The following AAMDC variants were observed in gnomAD, a reference collection of about 807,000 sequenced individuals.
The protein encoded by AAMDC is adipogenesis associated Mth938 domain containing, also known as mth938 domain-containing protein.
A neutral mutation model predicts 15.5 loss-of-function variants in AAMDC; 16 were observed. The ratio of observed to expected loss-of-function variants is 1.03; its 90% confidence interval spans 0.70 to 1.57. The LOEUF is 1.57. AAMDC is among the 40% of genes most tolerant of loss of function. The pLI is 0.00. For synonymous variants in AAMDC, 51 were observed against 51.6 expected (o/e 0.99, Z 0.05); for missense variants, 141 against 144.9 (o/e 0.97, Z 0.14).
intron 2 of AAMDC, among the ~76,000 whole-genome samples, chr11:77,864,421 C>T (rs1015757229): frequency 2.6e-5 from 4 of 151,726 alleles, no homozygotes; most frequent in African/African-American, 4.8e-5. Context: ...GCCTGGGCAA[C>T]AGAGTGAGAT....
At chr11:77,880,960 CAAAT>C (rs973852483) in intron 5 of AAMDC, among the ~76,000 whole-genome samples, 5 of 151,608 alleles carry the variant, frequency 3.3e-5, no homozygotes, top group African/African-American at 1.2e-4. Flanking sequence ...AACAAAAAAA[CAAAT>C]AAATCCTGCT....
chr11:77,873,105 C>CTTAT (rs953804388), downstream of AAMDC, among the ~76,000 whole-genome samples: 2 of 152,172 alleles, frequency 1.3e-5, no homozygotes, highest in African/African-American at 4.8e-5. Flanking sequence ...TCAGCATCAC[C>CTTAT]TTATTTTTAA....
rs535356570 is a variant in AAMDC, at chr11:77,839,865, T to C, written c.-18-2614T>C. ...AGCATCAGGATAAATAGCTAATCCA[T>C]GTGGGGCTTAATACCTAGGTGATGG... On this transcript the variant is annotated intron_variant, in intron 1 of 3. Transcript: ENST00000393427. Among the ~76,000 whole-genome samples, 5 of 152,218 alleles carry C rather than the reference T, an allele frequency of 3.3e-5. No individual in the cohort carries two copies. The East Asian group carries it at 9.7e-4, about 29-fold the overall frequency.
intron 1 of AAMDC, chr11:77,829,625 AT>A (rs1277179397): frequency 6.6e-6 from 1 of 152,226 alleles, no homozygotes; most frequent in Non-Finnish European, 1.5e-5. Flanking sequence ...AGACGACTAC[AT>A]TTGTGAGACC....
rs1246324990 is a variant in AAMDC, at chr11:77,832,991, G to C, written c.-18-9488G>C. 1.8e-4 allele frequency among the ~76,000 whole-genome samples: 6 copies of C among 32,866 alleles called. 2 individuals carry two copies. Among genetic ancestry groups the C allele is most frequent in the African/African-American group, 1.2e-3 (6 of 5,060 alleles). 21.6% of individuals were successfully genotyped at this position (32,866 alleles called of 152,430 possible). A position where few individuals can be genotyped will look rare whatever the true frequency, so the allele number is the denominator to read the frequency against. ...TGTGTGTGTGTGTGTGTGTGTGTGT[G>C]TGTGTGTATATATATATATTTTTTT... is the stretch of plus-strand genomic sequence containing the variant. On this transcript the variant is annotated intron_variant, in intron 1 of 3. Transcript: ENST00000393427.
intron 5 of AAMDC, among the ~76,000 whole-genome samples, chr11:77,886,427 A>G (rs201587537): frequency 6.6e-6 from 1 of 152,194 alleles, no homozygotes; most frequent in Non-Finnish European, 1.5e-5. Context: ...AAGAGTTAAT[A>G]ATCGCGAAGG....
intron 1 of AAMDC, among the ~76,000 whole-genome samples, chr11:77,833,360 G>A (rs1046881605): frequency 6.6e-6 from 1 of 152,110 alleles, no homozygotes; most frequent in Admixed American, 6.6e-5. Context: ...GGGAGACAGT[G>A]ACAGATCATC....
rs901085936 is a variant in AAMDC, at chr11:77,878,223, G to A, written c.328+1174G>A. Among the ~76,000 whole-genome samples, 9 of 152,144 alleles carry A rather than the reference G, an allele frequency of 5.9e-5. No homozygotes were observed. The East Asian group carries it at 9.7e-4, about 16-fold the overall frequency. On this transcript the variant is annotated intron_variant, in intron 5 of 5. Transcript: ENST00000304716. ...TAAAAATACAAAAAATTAGCAAGGC[G>A]TGGTGACAGGCGCCTGTAGTCCCAC...
intron 2 of AAMDC, among the ~76,000 whole-genome samples, chr11:77,860,093 G>A (rs1418336410): frequency 6.6e-6 from 1 of 152,194 alleles, no homozygotes; most frequent in Non-Finnish European, 1.5e-5. Flanking sequence ...TCGTCTCTCA[G>A]ACATGTGTAA....
intron 1 of AAMDC, among the ~76,000 whole-genome samples, chr11:77,827,551 C>T: frequency 6.6e-6 from 1 of 152,104 alleles, no homozygotes; most frequent in Non-Finnish European, 1.5e-5. Flanking sequence ...TCAATAGATG[C>T]AGAAAACTCA....
At chr11:77,893,627 T>C (rs991499600) in intron 5 of AAMDC, among the ~76,000 whole-genome samples, 1 of 152,056 alleles carries the variant, frequency 6.6e-6, no homozygotes, top group African/African-American at 2.4e-5. Flanking sequence ...CGGCGGTGGC[T>C]CACGCCTGTA....
intron 5 of AAMDC, among the ~76,000 whole-genome samples, chr11:77,880,868 C>T (rs1362002572): frequency 1.3e-5 from 2 of 151,942 alleles, no homozygotes; most frequent in East Asian, 3.9e-4. Flanking sequence ...CCACTTGAGC[C>T]CGAGAGGATC....
intron 5 of AAMDC, among the ~76,000 whole-genome samples, chr11:77,896,604 T>A (rs1790235): frequency 0.75 from 111,401 of 148,934 alleles, 42,352 homozygotes; most frequent in African/African-American, 0.89. Context: ...GGGAGCTGAG[T>A]TTGTGCCATT....
chr11:77,824,277 G>T (rs749204410), intron 1 of AAMDC, among the ~76,000 whole-genome samples: 17 of 152,052 alleles, frequency 1.1e-4, no homozygotes, highest in Non-Finnish European at 1.9e-4. Context: ...GGAATGTAAA[G>T]GTGCAAAAAA....
intron 2 of AAMDC, chr11:77,869,319 T>C (rs1951297102): frequency 6.0e-6 from 1 of 165,478 alleles, no homozygotes; most frequent in Non-Finnish European, 1.3e-5. Flanking sequence ...TTTCTTTTTT[T>C]TTTTTTTTTT....
chr11:77,867,392 T>C (rs963290192), intron 2 of AAMDC, among the ~76,000 whole-genome samples: 2 of 152,204 alleles, frequency 1.3e-5, no homozygotes, highest in Non-Finnish European at 2.9e-5. Context: ...CTTGGGTTTA[T>C]TCACTCTGTC....
At chr11:77,902,789 G>A (rs1422450611), downstream of AAMDC, among the ~76,000 whole-genome samples, 1 of 152,164 alleles carries the variant, frequency 6.6e-6, no homozygotes, top group African/African-American at 2.4e-5. Context: ...GTGCAAAGGG[G>A]AATGACTCAA....
intron 5 of AAMDC, among the ~76,000 whole-genome samples, chr11:77,878,352 A>C (rs372320041): frequency 3.3e-5 from 5 of 149,466 alleles, no homozygotes; most frequent in African/African-American, 1.2e-4. Context: ...ACACAGCAAG[A>C]CTCCATCTCA....
intron 1 of AAMDC, among the ~76,000 whole-genome samples, chr11:77,829,014 G>A (rs953410067): frequency 3.9e-5 from 6 of 152,170 alleles, no homozygotes; most frequent in African/African-American, 1.4e-4. Flanking sequence ...GTGTAGTAAT[G>A]GCATATGACA....
Sources: allele counts gnomAD v4.1 joint callset (sites outside exome capture counted in the v4.1 genomes callset), GRCh38; gene constraint gnomAD v4.1.1; transcripts MANE v1.5; gene names NCBI Gene and HGNC (gene_info 2026-07-23, HGNC 2026-07-21).